Variants in OSBPL1A observed in about 807,000 individuals in gnomAD.
The protein encoded by OSBPL1A is oxysterol binding protein like 1A, also known as oxysterol-binding protein-related protein 1.
OSBPL1A carries 80 observed loss-of-function variants against 137.1 expected under a neutral mutation model. That is an observed-to-expected ratio of 0.58 (90% CI 0.49 to 0.70). OSBPL1A has a LOEUF of 0.70. Ranked by LOEUF, OSBPL1A falls within the 30% of genes least tolerant of loss-of-function variation. OSBPL1A has a pLI of 0.00. For synonymous variants in OSBPL1A, 365 were observed against 389.7 expected (o/e 0.94, Z 0.75); for missense variants, 970 against 1,129.4 (o/e 0.86, Z 2.02).
intron 4 of OSBPL1A, among the ~76,000 whole-genome samples, chr18:24,362,637 T>C (rs534385802): frequency 7.2e-5 from 11 of 152,252 alleles, no homozygotes; most frequent in Non-Finnish European, 1.5e-4. Context: ...TTAGGTATCA[T>C]GTTGGACTAT....
intron 4 of OSBPL1A, among the ~76,000 whole-genome samples, chr18:24,345,320 A>T (rs2091328633): frequency 6.6e-6 from 1 of 152,040 alleles, no homozygotes; most frequent in African/African-American, 2.4e-5. Context: ...ACCACTGCCG[A>T]CCTTTGGAAA....
rs143145480 is a variant in OSBPL1A, at chr18:24,263,536, T to C, written c.1281+17306A>G. On this transcript the variant is annotated intron_variant, in intron 15 of 27. Transcript: ENST00000319481. The stretch of plus-strand genomic sequence containing the variant: ...AACACTGCGATTGCAATATTTGCCA[T>C]GTATTTTTACTTGGGTCCTTGACAT... 8.5e-5 allele frequency among the ~76,000 whole-genome samples: 13 copies of C among 152,360 alleles called. No homozygotes were observed. The East Asian group carries it at 2.3e-3, about 27-fold the overall frequency.
chr18:24,344,171 A>C (rs2091310410), intron 4 of OSBPL1A, among the ~76,000 whole-genome samples: 1 of 152,220 alleles, frequency 6.6e-6, no homozygotes, highest in Admixed American at 6.5e-5. Context: ...AGATGTACAA[A>C]TGGTCAATAA....
At chr18:24,297,437 A>C (rs2090312681) in intron 14 of OSBPL1A, among the ~76,000 whole-genome samples, 1 of 152,160 alleles carries the variant, frequency 6.6e-6, no homozygotes. Flanking sequence ...ATGTTTTCAA[A>C]GAACCAGTTT....
Position 24,217,598 on chromosome 18 carries a change from G to A in OSBPL1A, c.1601+7444C>T, listed in dbSNP as rs187690148. 2.0e-3 allele frequency among the ~76,000 whole-genome samples: 305 copies of A among 152,208 alleles called. 1 individual carries two copies. Among genetic ancestry groups the A allele is most frequent in the African/African-American group, 6.7e-3 (278 of 41,542 alleles). ...AGATTTTCAGCTAATAAATGTAGAA[G>A]GAGTGACAGAATTGAAAGACTACTG... On this transcript the variant is annotated intron_variant, in intron 17 of 27. Coordinates refer to ENST00000319481, the MANE Select transcript of OSBPL1A (RefSeq NM_080597.4).
chr18:24,386,240 G>A (rs1361162882), intron 1 of OSBPL1A, among the ~76,000 whole-genome samples: 1 of 152,204 alleles, frequency 6.6e-6, no homozygotes, highest in Admixed American at 6.5e-5. Flanking sequence ...AACAGAGCCA[G>A]TTAAATTTCA....
intron 21 of OSBPL1A, among the ~76,000 whole-genome samples, chr18:24,174,752 C>T (rs923109501): frequency 6.6e-6 from 1 of 151,954 alleles, no homozygotes; most frequent in Non-Finnish European, 1.5e-5. Context: ...ATAACTGATG[C>T]TGTTGAACAT....
chr18:24,352,587 A>C (rs2091460632), intron 4 of OSBPL1A, among the ~76,000 whole-genome samples: 1 of 152,160 alleles, frequency 6.6e-6, no homozygotes, highest in Non-Finnish European at 1.5e-5. Flanking sequence ...TATGGAACGA[A>C]AAAAGAGCCT....
chr18:24,266,301 T>C (rs1353032019), intron 15 of OSBPL1A, among the ~76,000 whole-genome samples: 1 of 152,268 alleles, frequency 6.6e-6, no homozygotes, highest in East Asian at 1.9e-4. Context: ...AGGTAAACAA[T>C]GGTGAGCCTT....
At chr18:24,173,307 A>C (rs770725868) in intron 21 of OSBPL1A, among the ~76,000 whole-genome samples, 1 of 152,230 alleles carries the variant, frequency 6.6e-6, no homozygotes, top group Non-Finnish European at 1.5e-5. Flanking sequence ...TACTACGCTT[A>C]GTACCTGGGT....
chr18:24,325,605 T>C (rs548151198), intron 7 of OSBPL1A, among the ~76,000 whole-genome samples: 1 of 152,290 alleles, frequency 6.6e-6, no homozygotes, highest in East Asian at 1.9e-4. Flanking sequence ...CATCCTATTT[T>C]ATTTTCCTGC....
chr18:24,181,359 C>G, intron 18 of OSBPL1A, 80 bp from the exon 19 acceptor site: 1 of 1,443,898 alleles, frequency 6.9e-7, no homozygotes, highest in Non-Finnish European at 9.4e-7. Context: ...ATAACATCCT[C>G]CTGGAAAGGA....
intron 15 of OSBPL1A, among the ~76,000 whole-genome samples, chr18:24,276,321 T>C (rs1599603436): frequency 1.3e-5 from 2 of 152,238 alleles, no homozygotes; most frequent in South Asian, 4.1e-4. Flanking sequence ...CATTCTGTTA[T>C]ACTGTTTCCA....
chr18:24,180,735 G>C (rs549278360), intron 19 of OSBPL1A, among the ~76,000 whole-genome samples: 1 of 152,296 alleles, frequency 6.6e-6, no homozygotes, highest in African/African-American at 2.4e-5. Context: ...AAATTAGCCA[G>C]GCATAGTGGC....
chr18:24,223,836 A>G (rs1274169427), intron 17 of OSBPL1A, among the ~76,000 whole-genome samples: 1 of 152,182 alleles, frequency 6.6e-6, no homozygotes, highest in African/African-American at 2.4e-5. Context: ...CTTTCCAAAG[A>G]TTTCACCTGT....
chr18:24,251,097 G>A (rs1457161599), intron 15 of OSBPL1A, among the ~76,000 whole-genome samples: 1 of 152,188 alleles, frequency 6.6e-6, no homozygotes, highest in Non-Finnish European at 1.5e-5. Context: ...CAGTAGAATA[G>A]GACATCAGGC....
In OSBPL1A at chr18:24,163,291, G is replaced by A. The variant is rs1326479828; in HGVS notation, c.2751-10C>T. ...ACCTTGATGGAACCACCTGTTAAAAGAAAAAGGACAAGACTTACAGGGGAA... is the reference window on the plus strand; with the variant it reads ...ACCTTGATGGAACCACCTGTTAAAAAAAAAAGGACAAGACTTACAGGGGAA... On this transcript the variant is annotated splice_polypyrimidine_tract_variant and intron_variant, in intron 27 of 27. Transcript: ENST00000319481. The A allele has an allele frequency of 6.3e-7, 1 of 1,575,042 alleles. No homozygotes were observed. The highest frequency in any genetic ancestry group is 8.7e-7 in the Non-Finnish European group (1 of 1,153,458).
rs371792755 is a variant in OSBPL1A, at chr18:24,197,943, T to C, written c.1602-1743A>G. Among the ~76,000 whole-genome samples, 12 of 152,066 alleles carry C rather than the reference T, an allele frequency of 7.9e-5. No homozygotes were observed. The South Asian group carries it at 2.1e-3, about 26-fold the overall frequency. ...CTGGGATTTCAGGTGCCTGCCACCA[T>C]GCCCGGCTAATTTTTTGTATTTTTA... On this transcript the variant is annotated intron_variant, in intron 17 of 27. Coordinates refer to ENST00000319481, the MANE Select transcript of OSBPL1A (RefSeq NM_080597.4).
chr18:24,168,491 G>A (rs955162305), intron 24 of OSBPL1A, among the ~76,000 whole-genome samples: 3 of 152,194 alleles, frequency 2.0e-5, no homozygotes, highest in African/African-American at 7.2e-5. Context: ...TCCCCTCTCC[G>A]CGGCCCAGCT....
Sources: allele counts gnomAD v4.1 joint callset (sites outside exome capture counted in the v4.1 genomes callset), GRCh38; gene constraint gnomAD v4.1.1; transcripts MANE v1.5; gene names NCBI Gene and HGNC (gene_info 2026-07-23, HGNC 2026-07-21).